Variants in SRD5A2 observed in about 807,000 individuals in gnomAD.
The protein encoded by SRD5A2 is steroid 5 alpha-reductase 2, also known as 3-oxo-5-alpha-steroid 4-dehydrogenase 2.
In SRD5A2, 30 loss-of-function variants were observed where a neutral mutation model predicts 27.4. The observed-to-expected ratio is 1.10, with a 90% CI of 0.82 to 1.49. SRD5A2 has a LOEUF of 1.49. SRD5A2 is among the 40% of genes most tolerant of loss of function. SRD5A2 has a pLI of 0.00. For missense variants in SRD5A2, 348 were observed against 323.4 expected (o/e 1.08, Z -0.58); for synonymous variants, 141 against 133.6 (o/e 1.06, Z -0.38).
intron 1 of SRD5A2, among the ~76,000 whole-genome samples, chr2:31,555,974 G>A (rs1205282190): frequency 6.6e-6 from 1 of 152,146 alleles, no homozygotes; most frequent in Non-Finnish European, 1.5e-5. Context: ...GCCATCATTG[G>A]TGAGATTTTG....
chr2:31,528,616 A>C (rs1665831529), intron 4 of SRD5A2, among the ~76,000 whole-genome samples: 1 of 151,914 alleles, frequency 6.6e-6, no homozygotes, highest in African/African-American at 2.4e-5. Flanking sequence ...AAAATGCAAA[A>C]AGTTAGCTGG....
At chr2:31,618,541 G>C in the SRD5A2 span, among the ~76,000 whole-genome samples, 1 of 152,074 alleles carries the variant, frequency 6.6e-6, no homozygotes, top group Non-Finnish European at 1.5e-5. Flanking sequence ...GGATGGTACA[G>C]GAAGACATTA....
the SRD5A2 span, among the ~76,000 whole-genome samples, chr2:31,636,734 A>T: frequency 5.3e-5 from 8 of 152,094 alleles, no homozygotes; most frequent in Admixed American, 5.2e-4. Context: ...AAATAATCAT[A>T]TGGTTTTTGT....
the SRD5A2 span, among the ~76,000 whole-genome samples, chr2:31,650,797 C>A: frequency 1.8e-4 from 28 of 152,194 alleles, no homozygotes; most frequent in Admixed American, 3.3e-4. Context: ...TGAGAAGAGA[C>A]AGGATTGGAG....
the SRD5A2 span, among the ~76,000 whole-genome samples, chr2:31,607,619 A>G: frequency 3.5e-4 from 54 of 152,224 alleles, no homozygotes; most frequent in Non-Finnish European, 6.9e-4. Context: ...AGTTACACTC[A>G]ATAAATGTTA....
At chr2:31,661,343 T>G in the SRD5A2 span, among the ~76,000 whole-genome samples, 5 of 152,154 alleles carry the variant, frequency 3.3e-5, no homozygotes, top group East Asian at 1.9e-4. Flanking sequence ...GGTGTTCAAT[T>G]TCCACAAGAA....
chr2:31,541,948 A>G (rs1409713815), intron 1 of SRD5A2, among the ~76,000 whole-genome samples: 2 of 152,228 alleles, frequency 1.3e-5, no homozygotes, highest in Non-Finnish European at 2.9e-5. Context: ...AATTTTCACA[A>G]GACTTACCAC....
chr2:31,604,415 A>G, the SRD5A2 span, among the ~76,000 whole-genome samples: 8 of 151,840 alleles, frequency 5.3e-5, no homozygotes, highest in African/African-American at 1.9e-4. Context: ...AAAAATTATT[A>G]GATACAAAAA....
At chr2:31,542,780 C>A (rs1195063316) in intron 1 of SRD5A2, among the ~76,000 whole-genome samples, 2 of 151,958 alleles carry the variant, frequency 1.3e-5, no homozygotes, top group African/African-American at 4.8e-5. Flanking sequence ...GAAAAGTGAG[C>A]AGAGCCCAAG....
At position 31,528,767 on chromosome 2, in the gene SRD5A2, A is replaced by AAAATAAATAAAT. The variant is rs58489430; in HGVS notation, c.698+528_698+539dup. 6.7e-5 allele frequency among the ~76,000 whole-genome samples: 10 copies of AAAATAAATAAAT among 149,690 alleles called. No homozygotes were observed. In the South Asian group the frequency reaches 1.3e-3, roughly 19 times the overall value. ...GGCATCAGAGTGAGACTCCAACTCA[A>AAAATAAATAAAT]AAATAAATAAATAAATAAATAAATA... On this transcript the variant is annotated intron_variant, in intron 4 of 4. Coordinates refer to ENST00000622030, the MANE Select transcript of SRD5A2 (RefSeq NM_000348.4).
intron 1 of SRD5A2, among the ~76,000 whole-genome samples, chr2:31,534,240 A>G (rs1034607890): frequency 2.0e-5 from 3 of 152,180 alleles, no homozygotes; most frequent in African/African-American, 4.8e-5. Context: ...AAACCTTTCT[A>G]ATTACTCTTG....
intron 1 of SRD5A2, among the ~76,000 whole-genome samples, chr2:31,561,033 A>G (rs896842821): frequency 4.6e-5 from 7 of 152,162 alleles, no homozygotes; most frequent in Non-Finnish European, 8.8e-5. Flanking sequence ...CTATATACCT[A>G]TCCCAACCCT....
chr2:31,619,456 G>A, the SRD5A2 span, among the ~76,000 whole-genome samples: 9 of 152,068 alleles, frequency 5.9e-5, no homozygotes, highest in South Asian at 2.1e-4. Flanking sequence ...GTATATATCC[G>A]GTAATGGGAT....
At chr2:31,630,563 A>C in the SRD5A2 span, among the ~76,000 whole-genome samples, 1 of 152,104 alleles carries the variant, frequency 6.6e-6, no homozygotes, top group South Asian at 2.1e-4. Context: ...AAAATCCTTA[A>C]CCCAGGAACC....
the SRD5A2 span, among the ~76,000 whole-genome samples, chr2:31,589,096 C>T: frequency 5.3e-4 from 80 of 152,312 alleles, no homozygotes; most frequent in Non-Finnish European, 8.5e-4. Context: ...CACATCCCCA[C>T]TGGGGAACCT....
At chr2:31,577,796 T>C (rs1445594755) in intron 1 of SRD5A2, among the ~76,000 whole-genome samples, 2 of 152,294 alleles carry the variant, frequency 1.3e-5, no homozygotes, top group Admixed American at 6.5e-5. Context: ...CAGATATGTA[T>C]GATTATATCA....
At chr2:31,619,317 C>T in the SRD5A2 span, among the ~76,000 whole-genome samples, 1 of 152,096 alleles carries the variant, frequency 6.6e-6, no homozygotes, top group Non-Finnish European at 1.5e-5. Flanking sequence ...GTATGTACCA[C>T]ATTTTCTTTA....
At chr2:31,611,126 A>T in the SRD5A2 span, among the ~76,000 whole-genome samples, 15 of 152,226 alleles carry the variant, frequency 9.9e-5, no homozygotes, top group Admixed American at 3.9e-4. Flanking sequence ...AATAATAATT[A>T]AAAAAAGATA....
chr2:31,590,629 C>G, the SRD5A2 span, among the ~76,000 whole-genome samples: 1 of 152,130 alleles, frequency 6.6e-6, no homozygotes, highest in Non-Finnish European at 1.5e-5. Flanking sequence ...CAAGTCAATC[C>G]TAAGCCAAAA....
Sources: allele counts gnomAD v4.1 joint callset (sites outside exome capture counted in the v4.1 genomes callset), GRCh38; gene constraint gnomAD v4.1.1; transcripts MANE v1.5; gene names NCBI Gene and HGNC (gene_info 2026-07-23, HGNC 2026-07-21).